SLC60A1: variants seen among roughly 807,000 people sequenced by gnomAD.
SLC60A1 encodes the protein solute carrier family 60 member 1.
the SLC60A1 span, among the ~76,000 whole-genome samples, chr1:205,572,392 G>C: frequency 6.6e-6 from 1 of 152,134 alleles, no homozygotes; most frequent in Admixed American, 6.5e-5. Context: ...CCCTGCCCAT[G>C]CTTTCTTAAC....
the SLC60A1 span, chr1:205,592,320 C>CTATCTAGCTG: frequency 1.3e-6 from 2 of 1,591,874 alleles, no homozygotes; most frequent in South Asian, 2.2e-5. Flanking sequence ...GAGGCGCGCT[C>CTATCTAGCTG]TATCTAGCTG....
the SLC60A1 span, chr1:205,602,220 A>G: frequency 6.6e-6 from 1 of 152,596 alleles, no homozygotes; most frequent in Non-Finnish European, 1.5e-5. Context: ...GTTCTTGGTA[A>G]CCTGTCCCAA....
chr1:205,593,689 A>AT, the SLC60A1 span, among the ~76,000 whole-genome samples: 8 of 151,974 alleles, frequency 5.3e-5, no homozygotes, highest in African/African-American at 9.7e-5. Flanking sequence ...TCAAAATGGA[A>AT]TTTTTTTTAT....
the SLC60A1 span, chr1:205,583,836 C>T: frequency 3.8e-6 from 5 of 1,319,696 alleles, no homozygotes; most frequent in Middle Eastern, 2.8e-4. Flanking sequence ...TTTAGCTGGG[C>T]ACCCTTAGAA....
the SLC60A1 span, chr1:205,599,326 C>G: frequency 1.3e-6 from 2 of 1,568,366 alleles, no homozygotes; most frequent in African/African-American, 2.7e-5. Flanking sequence ...GCAGGAGATG[C>G]TATGGATCTT....
At chr1:205,600,937 G>C in the SLC60A1 span, 1 of 154,640 alleles carries the variant, frequency 6.5e-6, no homozygotes, top group African/African-American at 2.4e-5. Context: ...TCACTTAATA[G>C]TCCAAAGTCT....
chr1:205,590,361 T>C, the SLC60A1 span, among the ~76,000 whole-genome samples: 1 of 152,216 alleles, frequency 6.6e-6, no homozygotes, highest in Non-Finnish European at 1.5e-5. Context: ...GGAACCATAG[T>C]TATGCTATGA....
the SLC60A1 span, chr1:205,599,960 G>A: frequency 6.5e-6 from 1 of 154,494 alleles, no homozygotes; most frequent in South Asian, 2.0e-4. Context: ...AAAGACTAAA[G>A]GAACAGGCAT....
the SLC60A1 span, chr1:205,584,813 G>T: frequency 8.2e-6 from 12 of 1,469,952 alleles, no homozygotes; most frequent in African/African-American, 1.7e-4. Flanking sequence ...CACGGCCCTG[G>T]GACATGCAGA....
chr1:205,569,326 CCCCGCGGCCCCCGG>C, the SLC60A1 span: 43 of 1,437,162 alleles, frequency 3.0e-5, no homozygotes, highest in Non-Finnish European at 3.6e-5. Context: ...TGCGCCCCCG[CCCCGCGGCCCCCGG>C]CACCCACCCT....
At chr1:205,580,968 A>C in the SLC60A1 span, 4 of 1,590,734 alleles carry the variant, frequency 2.5e-6, no homozygotes, top group Non-Finnish European at 3.4e-6. This position sits in a 1 kb window ranked among gnomAD's most constrained non-coding sequence, Gnocchi z 5.0. Context: ...TGGACAGTCC[A>C]CACATCCCAG....
the SLC60A1 span, among the ~76,000 whole-genome samples, chr1:205,599,604 G>A: frequency 3.3e-5 from 5 of 152,172 alleles, no homozygotes; most frequent in East Asian, 3.9e-4. Context: ...GGCAGAGCCC[G>A]ACTCCTTGGC....
the SLC60A1 span, among the ~76,000 whole-genome samples, chr1:205,595,782 G>A: frequency 6.6e-6 from 1 of 152,242 alleles, no homozygotes; most frequent in Non-Finnish European, 1.5e-5. Context: ...CAGGCACTCA[G>A]TGTCTTGTTA....
the SLC60A1 span, among the ~76,000 whole-genome samples, chr1:205,575,566 G>A: frequency 0.72 from 109,126 of 152,008 alleles, 39,821 homozygotes; most frequent in East Asian, 0.83. Context: ...CTCAAGGCAA[G>A]GCCAGGTCAA....
the SLC60A1 span, chr1:205,569,162 C>T: frequency 1.9e-6 from 3 of 1,541,158 alleles, no homozygotes; most frequent in East Asian, 5.0e-5. Context: ...TCGGCCTGTG[C>T]ATCGCCTTCC....
the SLC60A1 span, among the ~76,000 whole-genome samples, chr1:205,578,007 G>T: frequency 6.6e-6 from 1 of 152,192 alleles, no homozygotes; most frequent in African/African-American, 2.4e-5. Context: ...CGCAGCCCCT[G>T]CCCCTGTCAG....
the SLC60A1 span, among the ~76,000 whole-genome samples, chr1:205,593,453 CAA>C: frequency 4.7e-3 from 393 of 83,430 alleles, 2 homozygotes; most frequent in Middle Eastern, 0.011. Flanking sequence ...GACTCTGTCT[CAA>C]AAAAAAAAAA....
At chr1:205,579,697 G>C in the SLC60A1 span, 6 of 1,593,116 alleles carry the variant, frequency 3.8e-6, no homozygotes, top group Admixed American at 5.0e-5. Context: ...TGGAGGAGAA[G>C]GGGGAGGGGA....
the SLC60A1 span, among the ~76,000 whole-genome samples, chr1:205,590,241 C>A: frequency 2.6e-3 from 393 of 152,162 alleles, 1 homozygote; most frequent in African/African-American, 9.1e-3. Context: ...CATGGAAGAG[C>A]CAGAAGAGAA....
Sources: allele counts gnomAD v4.1 joint callset (sites outside exome capture counted in the v4.1 genomes callset), GRCh38; gene constraint gnomAD v4.1.1; non-coding constraint Gnocchi (gnomAD v3.1); transcripts MANE v1.5; gene names NCBI Gene and HGNC (gene_info 2026-07-23, HGNC 2026-07-21).